Variants in STX8 observed in about 807,000 individuals in gnomAD.
STX8 encodes syntaxin 8.
A neutral mutation model predicts 37.5 loss-of-function variants in STX8; 23 were observed. The ratio of observed to expected loss-of-function variants is 0.61; its 90% CI spans 0.44 to 0.87. The LOEUF is 0.87. STX8 is among the 40% of genes least tolerant of loss of function. STX8 has a pLI of 0.00. For missense variants in STX8, 313 were observed against 284.7 expected, an observed-to-expected ratio of 1.10 and a Z score of -0.71; for synonymous variants, 115 against 99.1, an observed-to-expected ratio of 1.16 and a Z score of -0.95.
rs115799119 is a variant in STX8, at chr17:9,575,803, T to G, written c.6A>C (p.Ala2=). 4 of 1,541,636 alleles carry G rather than the reference T, an allele frequency of 2.6e-6. No individual in the cohort carries two copies. The highest frequency in any genetic ancestry group is 4.9e-5 in the East Asian group (2 of 40,874). ...CACCCGGGACTCACCAGGGGTCCGG[T>G]GCCATCCTGCAGACTCCGCCCGCCG... M[A]PDPWFSTYDS... Residue 2 remains alanine, a synonymous_variant, in exon 1 of 8, where the codon GCA becomes GCC. Coordinates refer to ENST00000306357, the MANE Select transcript of STX8 (RefSeq NM_004853.3).
In STX8 at chr17:9,268,925, C is replaced by T. The variant is rs368644876; in HGVS notation, c.644-18280G>A. 7.1e-4 allele frequency among the ~76,000 whole-genome samples: 108 copies of T among 152,302 alleles called. 1 individual carries two copies. Among genetic ancestry groups the T allele is most frequent in the Non-Finnish European group, 1.1e-3 (76 of 68,026 alleles). ...AGGCCAGGCCGGGTGCAGTGGCTCA[C>T]GCCTGTAATCCCAGCACTTTGGGAG... On this transcript the variant is annotated intron_variant, in intron 7 of 7. Coordinates refer to ENST00000306357, the MANE Select transcript of STX8 (RefSeq NM_004853.3).
intron 6 of STX8, among the ~76,000 whole-genome samples, chr17:9,385,541 CA>C (rs1013864444): frequency 1.3e-5 from 2 of 151,930 alleles, no homozygotes; most frequent in African/African-American, 4.8e-5. Context: ...TACAAATGGC[CA>C]ATAAACACAT....
chr17:9,356,848 A>G (rs1290921114), intron 7 of STX8, among the ~76,000 whole-genome samples: 1 of 151,982 alleles, frequency 6.6e-6, no homozygotes, highest in Admixed American at 6.6e-5. Context: ...GGTGTGCAGC[A>G]GCGCATTTGC....
In STX8 at chr17:9,507,116, C is replaced by G. The variant is rs997869690; in HGVS notation, c.324-1954G>C. On this transcript the variant is annotated intron_variant, in intron 4 of 7. Coordinates refer to ENST00000306357, the MANE Select transcript of STX8 (RefSeq NM_004853.3). This position sits in a 1 kb window ranked among gnomAD's most constrained non-coding sequence, Gnocchi z 4.0. ...CCTCCTGCAAGCAGAAGGCCCTGAG[C>G]AACTGACAGGCTAGCAGAGTGACTA... 2.6e-5 allele frequency among the ~76,000 whole-genome samples: 4 copies of G among 151,982 alleles called. No individual in the cohort carries two copies. The highest frequency in any genetic ancestry group is 4.4e-5 in the Non-Finnish European group (3 of 67,988).
chr17:9,528,044 C>T (rs1336857363), intron 4 of STX8, among the ~76,000 whole-genome samples: 1 of 152,152 alleles, frequency 6.6e-6, no homozygotes, highest in Admixed American at 6.5e-5. Context: ...TCAGACACAT[C>T]AACTTGGAGG....
intron 5 of STX8, among the ~76,000 whole-genome samples, chr17:9,496,089 T>G (rs1330898546): frequency 1.3e-5 from 2 of 151,592 alleles, no homozygotes; most frequent in African/African-American, 4.8e-5. Context: ...TTTTTTTTTT[T>G]TTTGAGACAG....
chr17:9,489,691 C>CTTTTTTTTTTTTTTTT (rs4063411), intron 6 of STX8, among the ~76,000 whole-genome samples: 1 of 127,388 alleles, frequency 7.9e-6, no homozygotes, highest in Non-Finnish European at 1.6e-5. Context: ...GCTTACTTTC[C>CTTTTTTTTTTTTTTTT]TTTTTTTTTT....
intron 3 of STX8, chr17:9,554,938 G>A (rs1356544253): frequency 6.6e-6 from 1 of 150,386 alleles, no homozygotes; most frequent in African/African-American, 2.5e-5. Flanking sequence ...TGGCCTCCCT[G>A]AAAATAAACA....
At chr17:9,309,158 C>T (rs531549671) in intron 7 of STX8, among the ~76,000 whole-genome samples, 35 of 152,206 alleles carry the variant, frequency 2.3e-4, no homozygotes, top group African/African-American at 8.2e-4. Flanking sequence ...ATATCCAGAG[C>T]TCTTTGCAAA....
intron 7 of STX8, among the ~76,000 whole-genome samples, chr17:9,331,868 A>G (rs975523518): frequency 3.9e-5 from 6 of 152,200 alleles, no homozygotes; most frequent in African/African-American, 1.4e-4. Flanking sequence ...CACTGCAAAC[A>G]AAGTGTATGG....
At chr17:9,486,096 C>G (rs1028045894) in intron 6 of STX8, among the ~76,000 whole-genome samples, 5 of 152,176 alleles carry the variant, frequency 3.3e-5, no homozygotes, top group Admixed American at 1.3e-4. Context: ...AAGGAAATAA[C>G]TCACCTATAA....
intron 6 of STX8, among the ~76,000 whole-genome samples, chr17:9,474,128 G>A (rs1368636413): frequency 1.3e-5 from 2 of 152,118 alleles, no homozygotes; most frequent in East Asian, 3.9e-4. Context: ...GTGTGCTGGG[G>A]CAGGAGTTGG....
At chr17:9,337,335 C>T (rs181974154) in intron 7 of STX8, among the ~76,000 whole-genome samples, 303 of 152,070 alleles carry the variant, frequency 2.0e-3, no homozygotes, top group African/African-American at 7.1e-3. Context: ...AAGTAGTATA[C>T]TCCTCAAAAT....
At chr17:9,462,068 C>A (rs1905411982) in intron 6 of STX8, among the ~76,000 whole-genome samples, 1 of 152,172 alleles carries the variant, frequency 6.6e-6, no homozygotes, top group South Asian at 2.1e-4. Context: ...GCCCGCCGCT[C>A]ACCTCCTGCT....
chr17:9,361,752 G>A (rs1023013469), intron 7 of STX8, among the ~76,000 whole-genome samples: 18 of 152,244 alleles, frequency 1.2e-4, no homozygotes, highest in African/African-American at 3.4e-4. Flanking sequence ...CTCTGAGCAC[G>A]CACCAATAAC....
chr17:9,545,308 T>G (rs2142569043), intron 3 of STX8, 26 bp from the exon 4 acceptor site: 1 of 1,532,130 alleles, frequency 6.5e-7, no homozygotes, highest in East Asian at 2.3e-5. Flanking sequence ...TAAGGTTCAA[T>G]GGTGAATAAA....
At chr17:9,429,619 C>T (rs923641734) in intron 6 of STX8, among the ~76,000 whole-genome samples, 20 of 135,078 alleles carry the variant, frequency 1.5e-4, no homozygotes, top group Admixed American at 4.5e-4. Flanking sequence ...AGGAGAATGG[C>T]GTGAACCCAG....
At chr17:9,510,837 T>C (rs1904999607) in intron 4 of STX8, among the ~76,000 whole-genome samples, 1 of 151,960 alleles carries the variant, frequency 6.6e-6, no homozygotes, top group East Asian at 1.9e-4. Flanking sequence ...GTTGGTTTTG[T>C]GTAAAGATAA....
chr17:9,493,573 A>T (rs555268187), intron 5 of STX8, among the ~76,000 whole-genome samples: 1 of 152,328 alleles, frequency 6.6e-6, no homozygotes. Flanking sequence ...GGAGGTTCTG[A>T]CAGCAGGGCA....
Sources: gnomAD v4.1 joint callset for allele counts (sites outside exome capture counted in the v4.1 genomes callset) on GRCh38, gnomAD v4.1.1 for gene constraint, Gnocchi (gnomAD v3.1) non-coding constraint, MANE v1.5 for transcripts, NCBI Gene and HGNC (gene_info 2026-07-23, HGNC 2026-07-21) for gene names.